CCDC85A: variants seen among roughly 807,000 people sequenced by gnomAD.
CCDC85A encodes the protein coiled-coil domain-containing protein 85A.
A neutral mutation model predicts 50.2 loss-of-function variants in CCDC85A; 38 were observed. That is an observed-to-expected ratio of 0.76 (90% confidence interval 0.58 to 0.99). CCDC85A has a LOEUF of 0.99. Ranked by LOEUF, CCDC85A falls within the 50% of genes least tolerant of loss-of-function variation. The pLI is 0.00. For missense variants in CCDC85A, 820 were observed against 742.0 expected (o/e 1.11, Z -1.22); for synonymous variants, 366 against 301.4 (o/e 1.21, Z -2.22).
intron 2 of CCDC85A, among the ~76,000 whole-genome samples, chr2:56,337,771 A>G (rs1361003943): frequency 6.6e-6 from 1 of 150,826 alleles, no homozygotes; most frequent in Admixed American, 6.6e-5. Context: ...AGTTTCTTGA[A>G]TATAGGCTCC....
intron 2 of CCDC85A, among the ~76,000 whole-genome samples, chr2:56,244,393 C>T (rs1224582881): frequency 1.3e-5 from 2 of 152,050 alleles, no homozygotes; most frequent in African/African-American, 4.8e-5. Context: ...TGACAATTCA[C>T]TTAAGGTACA....
At position 56,342,878 on chromosome 2, in the gene CCDC85A, G is replaced by T. The variant is rs77687220; in HGVS notation, c.1241-1G>T. On this transcript the variant is annotated splice_acceptor_variant, in intron 2 of 5. Coordinates refer to ENST00000407595, the MANE Select transcript of CCDC85A (RefSeq NM_001080433.2). LOFTEE classifies it high-confidence loss of function. ...TGTGAGTTCTTTCTTTTTAATTTTA[G>T]AATCAACCTTGTCCTATGTTAGGCA... 1 of 1,578,102 alleles carries T rather than the reference G, an allele frequency of 6.3e-7. No homozygotes were observed. Among genetic ancestry groups the T allele is most frequent in the South Asian group, 1.2e-5 (1 of 86,156 alleles).
At chr2:56,232,019 C>G (rs1050105638) in intron 2 of CCDC85A, among the ~76,000 whole-genome samples, 2 of 152,068 alleles carry the variant, frequency 1.3e-5, no homozygotes, top group African/African-American at 4.8e-5. Context: ...TGTTACTCCT[C>G]TGCTTGACTT....
intron 2 of CCDC85A, among the ~76,000 whole-genome samples, chr2:56,326,485 C>G (rs1159975425): frequency 6.6e-6 from 1 of 152,014 alleles, no homozygotes; most frequent in Middle Eastern, 3.2e-3. Context: ...TAGAAGGGCC[C>G]AAATGAACTT....
chr2:56,219,306 A>G (rs976687975), intron 2 of CCDC85A, among the ~76,000 whole-genome samples: 1 of 150,464 alleles, frequency 6.6e-6, no homozygotes, highest in African/African-American at 2.4e-5. Context: ...GAAACAGTCT[A>G]CCAGAAATAT....
intron 2 of CCDC85A, among the ~76,000 whole-genome samples, chr2:56,274,031 T>G (rs920795096): frequency 2.6e-5 from 4 of 152,174 alleles, no homozygotes; most frequent in Non-Finnish European, 5.9e-5. Context: ...TTAATTTAAC[T>G]GTATCTGGAG....
At chr2:56,266,313 T>G (rs1670437451) in intron 2 of CCDC85A, among the ~76,000 whole-genome samples, 1 of 152,182 alleles carries the variant, frequency 6.6e-6, no homozygotes. Flanking sequence ...TATGCCCCTA[T>G]AGTCCCAACT....
At chr2:56,276,886 C>G (rs973195157) in intron 2 of CCDC85A, among the ~76,000 whole-genome samples, 4 of 152,098 alleles carry the variant, frequency 2.6e-5, no homozygotes, top group African/African-American at 9.7e-5. Context: ...ATGGCTTAGC[C>G]AGGCATCGTC....
chr2:56,301,723 C>T, intron 2 of CCDC85A, among the ~76,000 whole-genome samples: 1 of 152,128 alleles, frequency 6.6e-6, no homozygotes, highest in Non-Finnish European at 1.5e-5. Flanking sequence ...AAACCAAACA[C>T]TGCATGTTCT....
intron 2 of CCDC85A, among the ~76,000 whole-genome samples, chr2:56,237,319 A>G (rs749151407): frequency 6.6e-6 from 1 of 152,246 alleles, no homozygotes; most frequent in Non-Finnish European, 1.5e-5. Context: ...TTATAATTAC[A>G]TAACAGGCAG....
chr2:56,190,311 C>T (rs1676242763), intron 1 of CCDC85A, among the ~76,000 whole-genome samples: 1 of 152,166 alleles, frequency 6.6e-6, no homozygotes, highest in African/African-American at 2.4e-5. Context: ...CAAGGAACTG[C>T]TGGCTCCTTG....
rs566246408 is a variant in CCDC85A, at chr2:56,262,688, C to T, written c.1240+69248C>T. Among the ~76,000 whole-genome samples, 31 of 152,322 alleles carry T rather than the reference C, an allele frequency of 2.0e-4. No homozygotes were observed. In the South Asian group the frequency reaches 5.8e-3, roughly 29 times the overall value. On this transcript the variant is annotated intron_variant, in intron 2 of 5. Transcript: ENST00000407595. Reference sequence around the variant, plus strand: ...GTTAGATACTACAGCAGGATCAGATCTCATGCTCGAAGTCAGTTTAAGGCA... The same window carrying T: ...GTTAGATACTACAGCAGGATCAGATTTCATGCTCGAAGTCAGTTTAAGGCA...
At chr2:56,379,312 A>G (rs1004086803) in intron 5 of CCDC85A, among the ~76,000 whole-genome samples, 1 of 152,136 alleles carries the variant, frequency 6.6e-6, no homozygotes, top group Non-Finnish European at 1.5e-5. Flanking sequence ...TTCACCTGTC[A>G]CTATCATCTT....
chr2:56,197,569 G>A (rs1003088392), intron 2 of CCDC85A, among the ~76,000 whole-genome samples: 1 of 152,196 alleles, frequency 6.6e-6, no homozygotes. Flanking sequence ...GAGCTCTCAG[G>A]TGATTCTAAT....
intron 2 of CCDC85A, among the ~76,000 whole-genome samples, chr2:56,258,752 G>A (rs1247655933): frequency 6.6e-6 from 1 of 152,226 alleles, no homozygotes; most frequent in African/African-American, 2.4e-5. Context: ...TCAGGTCTGG[G>A]TTTGGCTTGA....
intron 2 of CCDC85A, among the ~76,000 whole-genome samples, chr2:56,206,660 ATC>A (rs754644520): frequency 3.9e-5 from 6 of 152,156 alleles, no homozygotes; most frequent in Non-Finnish European, 8.8e-5. Flanking sequence ...TGACCTAATC[ATC>A]TCTTATTAGG....
chr2:56,286,474 A>G (rs896210490), intron 2 of CCDC85A, among the ~76,000 whole-genome samples: 1 of 152,146 alleles, frequency 6.6e-6, no homozygotes, highest in Non-Finnish European at 1.5e-5. Context: ...CTTCCAACTC[A>G]TTGATCCTCT....
intron 2 of CCDC85A, among the ~76,000 whole-genome samples, chr2:56,267,346 G>A (rs778799970): frequency 7.9e-5 from 12 of 152,036 alleles, no homozygotes; most frequent in African/African-American, 2.7e-4. Context: ...TTCCCAACAC[G>A]ACTAGGATCT....
intron 2 of CCDC85A, among the ~76,000 whole-genome samples, chr2:56,307,529 A>C (rs929067535): frequency 6.6e-6 from 1 of 152,212 alleles, no homozygotes; most frequent in Admixed American, 6.5e-5. Flanking sequence ...CTGACACATG[A>C]AAACGGGGTT....
Sources: allele counts gnomAD v4.1 joint callset (sites outside exome capture counted in the v4.1 genomes callset), GRCh38; gene constraint gnomAD v4.1.1; transcripts MANE v1.5; gene names NCBI Gene and HGNC (gene_info 2026-07-23, HGNC 2026-07-21).